The following PDE4B variants were observed in gnomAD, a reference collection of about 807,000 sequenced individuals.
PDE4B encodes the protein 3',5'-cyclic-AMP phosphodiesterase 4B.
Under a neutral mutation model 82.2 loss-of-function variants are expected in PDE4B, and 20 were observed. That is an observed-to-expected ratio of 0.24 (90% CI 0.17 to 0.35). The LOEUF is 0.35. Ranked by LOEUF, PDE4B falls within the 10% of genes least tolerant of loss-of-function variation. The pLI is 1.00. For synonymous variants in PDE4B, 320 were observed against 318.9 expected (o/e 1.00, Z -0.04); for missense variants, 655 against 907.2 (o/e 0.72, Z 3.57).
chr1:66,037,794 A>G (rs1354062), intron 3 of PDE4B, among the ~76,000 whole-genome samples: 127,843 of 152,092 alleles, frequency 0.84, 53,916 homozygotes, highest in Non-Finnish European at 0.87. Flanking sequence ...TTAAAATTTT[A>G]TGTTGTGGCA....
chr1:65,813,820 G>T (rs1030686622), intron 1 of PDE4B, among the ~76,000 whole-genome samples: 3 of 149,438 alleles, frequency 2.0e-5, no homozygotes, highest in African/African-American at 7.4e-5. Context: ...AAGCTATGGG[G>T]TTAGAAATAC....
chr1:65,827,775 CA>C (rs780544564), intron 1 of PDE4B, among the ~76,000 whole-genome samples: 17 of 151,958 alleles, frequency 1.1e-4, no homozygotes, highest in Non-Finnish European at 1.9e-4. Flanking sequence ...GGTAAAACGA[CA>C]CCAAATTATA....
chr1:66,101,973 A>G (rs1475000395), intron 3 of PDE4B, among the ~76,000 whole-genome samples: 2 of 152,154 alleles, frequency 1.3e-5, no homozygotes, highest in Non-Finnish European at 2.9e-5. Context: ...TAGTTCTAAC[A>G]TTTAAGTCTT....
chr1:66,280,942 G>A (rs552748448), intron 7 of PDE4B, among the ~76,000 whole-genome samples: 2 of 152,272 alleles, frequency 1.3e-5, no homozygotes, highest in South Asian at 2.1e-4. Context: ...CACAGCAGAC[G>A]TAAACATCGT....
At chr1:66,281,550 G>A (rs889927889) in intron 7 of PDE4B, among the ~76,000 whole-genome samples, 7 of 152,202 alleles carry the variant, frequency 4.6e-5, no homozygotes, top group Admixed American at 4.6e-4. Context: ...GAAGAAGGGT[G>A]GATTCAATCA....
intron 1 of PDE4B, among the ~76,000 whole-genome samples, chr1:65,855,768 T>C (rs571165910): frequency 2.6e-5 from 4 of 152,218 alleles, no homozygotes; most frequent in Middle Eastern, 6.8e-3. Flanking sequence ...TGAAATCTGA[T>C]CTTTGCGTCC....
intron 3 of PDE4B, among the ~76,000 whole-genome samples, chr1:66,058,677 A>G (rs574158005): frequency 6.6e-6 from 1 of 152,306 alleles, no homozygotes. Context: ...CCTGAGCTGT[A>G]CCTTGGCCCC....
At chr1:66,231,997 G>T (rs1428848696) in intron 3 of PDE4B, among the ~76,000 whole-genome samples, 1 of 152,180 alleles carries the variant, frequency 6.6e-6, no homozygotes, top group Non-Finnish European at 1.5e-5. Flanking sequence ...GAATGAAATT[G>T]GGGACTGTCC....
chr1:66,130,132 T>A (rs183380983), intron 3 of PDE4B, among the ~76,000 whole-genome samples: 4 of 152,338 alleles, frequency 2.6e-5, no homozygotes, highest in African/African-American at 9.6e-5. Flanking sequence ...GAAGTATAGA[T>A]TATCAATCAA....
chr1:65,972,980 G>A (rs1226135069), intron 3 of PDE4B, among the ~76,000 whole-genome samples: 2 of 152,124 alleles, frequency 1.3e-5, no homozygotes, highest in Non-Finnish European at 2.9e-5. Flanking sequence ...TTGCATTTAG[G>A]TAAAGTTGTT....
chr1:66,090,616 A>ATATATATATATATATATATAT (rs200925983), intron 3 of PDE4B, among the ~76,000 whole-genome samples: 1 of 89,936 alleles, frequency 1.1e-5, no homozygotes, highest in Admixed American at 1.2e-4. Context: ...ATATGTATAT[A>ATATATATATATATATATATAT]ATATATGTGT....
At chr1:66,215,056 C>T (rs916912618) in intron 3 of PDE4B, among the ~76,000 whole-genome samples, 6 of 151,988 alleles carry the variant, frequency 3.9e-5, no homozygotes, top group African/African-American at 7.3e-5. Flanking sequence ...CTTGCTATGA[C>T]AGGTGAGGGA....
At chr1:65,988,422 A>G (rs1021707736) in intron 3 of PDE4B, among the ~76,000 whole-genome samples, 1 of 152,140 alleles carries the variant, frequency 6.6e-6, no homozygotes, top group Non-Finnish European at 1.5e-5. Flanking sequence ...ATAACAGCAT[A>G]CACTGCTGGA....
chr1:66,029,030 CA>C lies in PDE4B; in HGVS notation c.281+110197del, dbSNP rs1311711989. ...CAGCAACGCCCCACTCTACTGGTAC[CA>C]ATTTACTGTATTAGTCCTTTTTCAC... On this transcript the variant is annotated intron_variant, in intron 3 of 16. Coordinates refer to ENST00000341517, the MANE Select transcript of PDE4B (RefSeq NM_002600.4). Among the ~76,000 whole-genome samples the C allele has an allele frequency of 2.6e-5, 4 of 152,218 alleles. No individual in the cohort carries two copies. In the East Asian group the frequency reaches 7.7e-4, roughly 29 times the overall value.
At chr1:65,803,234 CTAGT>C (rs1173587251) in intron 1 of PDE4B, among the ~76,000 whole-genome samples, 2 of 152,070 alleles carry the variant, frequency 1.3e-5, no homozygotes, top group African/African-American at 4.8e-5. Flanking sequence ...ATTTCTTTTT[CTAGT>C]TAGTTTTTTC....
intron 3 of PDE4B, among the ~76,000 whole-genome samples, chr1:65,959,107 G>T (rs542628284): frequency 6.6e-6 from 1 of 152,164 alleles, no homozygotes; most frequent in Non-Finnish European, 1.5e-5. Context: ...TAAATATACA[G>T]CACATCTCTT....
chr1:66,331,613 C>T (rs1660114608), intron 7 of PDE4B: 3 of 257,160 alleles, frequency 1.2e-5, no homozygotes, highest in African/African-American at 6.9e-5. Flanking sequence ...AGTCTAGAGT[C>T]TTAGGGCAAC....
intron 8 of PDE4B, chr1:66,354,627 A>G: frequency 7.3e-7 from 1 of 1,360,580 alleles, no homozygotes; most frequent in Non-Finnish European, 9.4e-7. Context: ...CTGCCAGGAA[A>G]TAAGCAGGGA....
intron 3 of PDE4B, among the ~76,000 whole-genome samples, chr1:66,109,446 T>C (rs1382748962): frequency 6.8e-6 from 1 of 147,556 alleles, no homozygotes; most frequent in African/African-American, 2.5e-5. Flanking sequence ...GACACATTTA[T>C]GTATAATTTT....
Sources: allele counts gnomAD v4.1 joint callset (sites outside exome capture counted in the v4.1 genomes callset), GRCh38; gene constraint gnomAD v4.1.1; transcripts MANE v1.5; gene names NCBI Gene and HGNC (gene_info 2026-07-23, HGNC 2026-07-21).